MGAT5: variants seen among roughly 807,000 people sequenced by gnomAD.
The protein encoded by MGAT5 is alpha-1,6-mannosylglycoprotein 6-beta-N-acetylglucosaminyltransferase A.
MGAT5 carries 30 observed loss-of-function variants against 94.3 expected under a neutral mutation model. The observed-to-expected ratio is 0.32, with a 90% CI of 0.24 to 0.43. The LOEUF (loss-of-function observed/expected upper bound fraction) is 0.43. MGAT5 is among the 20% of genes least tolerant of loss of function. MGAT5 has a pLI of 1.00. For synonymous variants in MGAT5, 310 were observed against 322.9 expected, an observed-to-expected ratio of 0.96 and a Z score of 0.43; for missense variants, 691 against 905.5, an observed-to-expected ratio of 0.76 and a Z score of 3.04.
At chr2:134,191,392 G>A (rs938703808) in intron 1 of MGAT5, among the ~76,000 whole-genome samples, 1 of 152,162 alleles carries the variant, frequency 6.6e-6, no homozygotes, top group Non-Finnish European at 1.5e-5. Context: ...TGAGGTTATC[G>A]CGGGAGCGCG....
intron 2 of MGAT5, among the ~76,000 whole-genome samples, chr2:134,307,741 T>C (rs1253360328): frequency 1.3e-5 from 2 of 152,164 alleles, no homozygotes; most frequent in Non-Finnish European, 2.9e-5. Context: ...GTAGATTTGC[T>C]GTCCTGGTAA....
intron 1 of MGAT5, among the ~76,000 whole-genome samples, chr2:134,244,739 TA>T (rs1282270809): frequency 6.6e-6 from 1 of 152,132 alleles, no homozygotes; most frequent in Non-Finnish European, 1.5e-5. Flanking sequence ...TGTTGATTGG[TA>T]AGGCAGTCCC....
chr2:134,442,093 G>A (rs144069933), intron 15 of MGAT5, among the ~76,000 whole-genome samples, 178 bp downstream of exon 15: 55 of 152,288 alleles, frequency 3.6e-4, no homozygotes, highest in East Asian at 2.5e-3. Flanking sequence ...TGTTGTTACC[G>A]TTCCTTTTGG....
At chr2:134,428,516 A>G (rs1206383936) in intron 14 of MGAT5, 77 bp downstream of exon 14, 13 of 1,294,142 alleles carry the variant, frequency 1.0e-5, no homozygotes. Flanking sequence ...AAGAACATTT[A>G]AGAGCTCACT....
At chr2:134,266,464 G>T (rs558094047) in intron 1 of MGAT5, among the ~76,000 whole-genome samples, 3 of 152,130 alleles carry the variant, frequency 2.0e-5, no homozygotes, top group Admixed American at 6.5e-5. Flanking sequence ...CAGGTGATCC[G>T]CCTGCCTCGG....
chr2:134,412,972 G>T lies in MGAT5; in HGVS notation c.1634G>T (p.Ser545Ile), dbSNP rs1423458756. ...CCCAAGTTCAACCCACCCAAAAGCAGCAAAAACACAGACTTTTTCATTGGC... is the reference window on the plus strand; with the variant it reads ...CCCAAGTTCAACCCACCCAAAAGCATCAAAAACACAGACTTTTTCATTGGC... ...LNPKFNPPKS[S>I]KNTDFFIGKP... Residue 545 changes from serine to isoleucine, a missense_variant, in exon 12 of 16, where the codon AGC (serine) becomes ATC (isoleucine). This residue lies in a region of MGAT5 where 260 missense variants were observed against 347.0 expected (regional missense o/e 0.75). Transcript: ENST00000281923. The T allele has an allele frequency of 6.2e-7, 1 of 1,614,202 alleles. No homozygotes were observed. The highest frequency in any genetic ancestry group is 2.2e-5 in the East Asian group (1 of 44,880).
At chr2:134,284,483 C>A (rs185473583) in intron 2 of MGAT5, among the ~76,000 whole-genome samples, 1 of 152,132 alleles carries the variant, frequency 6.6e-6, no homozygotes, top group East Asian at 1.9e-4. Flanking sequence ...AGTTTGCCAA[C>A]CCCTGGCCTA....
chr2:134,269,955 A>C (rs956761193), intron 1 of MGAT5, among the ~76,000 whole-genome samples: 1 of 152,256 alleles, frequency 6.6e-6, no homozygotes, highest in Admixed American at 6.5e-5. Context: ...TTTTTAAAAA[A>C]CTGGGACATG....
chr2:134,195,239 G>A (rs1679439691), intron 1 of MGAT5, among the ~76,000 whole-genome samples: 1 of 152,142 alleles, frequency 6.6e-6, no homozygotes, highest in Non-Finnish European at 1.5e-5. Flanking sequence ...ATCTGAATTA[G>A]CAGGTACTGT....
At chr2:134,321,692 A>T (rs1429362278) in intron 4 of MGAT5, among the ~76,000 whole-genome samples, 1 of 152,206 alleles carries the variant, frequency 6.6e-6, no homozygotes, top group South Asian at 2.1e-4. Context: ...CTTCTTATGC[A>T]GATATCGGGT....
chr2:134,238,217 C>T (rs528976006), intron 1 of MGAT5, among the ~76,000 whole-genome samples: 1 of 152,260 alleles, frequency 6.6e-6, no homozygotes, highest in East Asian at 1.9e-4. Context: ...TGACATTGAA[C>T]AGATTGCTTA....
intron 2 of MGAT5, among the ~76,000 whole-genome samples, chr2:134,310,103 T>C (rs1686561298): frequency 6.6e-6 from 1 of 152,216 alleles, no homozygotes; most frequent in South Asian, 2.1e-4. Context: ...AGTTCCATTA[T>C]GTCCATAGTA....
intron 1 of MGAT5, among the ~76,000 whole-genome samples, chr2:134,257,872 A>G (rs1683077635): frequency 8.1e-6 from 1 of 122,882 alleles, no homozygotes; most frequent in Admixed American, 9.9e-5. Context: ...AATGCAGCCT[A>G]TGTGCAGTGC....
At chr2:134,221,130 A>C (rs532247763) in intron 1 of MGAT5, among the ~76,000 whole-genome samples, 1 of 152,334 alleles carries the variant, frequency 6.6e-6, no homozygotes, top group East Asian at 1.9e-4. Context: ...ATTCCGAGCC[A>C]AGTATGAGTG....
At chr2:134,416,255 CAG>C (rs1415126105) in intron 12 of MGAT5, among the ~76,000 whole-genome samples, 1 of 152,172 alleles carries the variant, frequency 6.6e-6, no homozygotes, top group Non-Finnish European at 1.5e-5. Flanking sequence ...TCATTCTAAA[CAG>C]AAATTCTGCA....
chr2:134,260,607 T>C (rs1683263585), intron 1 of MGAT5, among the ~76,000 whole-genome samples: 1 of 152,212 alleles, frequency 6.6e-6, no homozygotes, highest in Admixed American at 6.5e-5. Flanking sequence ...AAGGGTTTTT[T>C]AGTTTGTTTT....
intron 1 of MGAT5, among the ~76,000 whole-genome samples, chr2:134,172,164 G>C (rs1688241134): frequency 2.0e-5 from 3 of 152,112 alleles, no homozygotes; most frequent in African/African-American, 4.8e-5. Flanking sequence ...ATGTAGAAAG[G>C]CTGGCCCTTT....
chr2:134,177,144 C>CATGTGTGTGTGTGTGTGTGTGTGT (rs1553488519), intron 1 of MGAT5, among the ~76,000 whole-genome samples: 1 of 142,530 alleles, frequency 7.0e-6, no homozygotes, highest in African/African-American at 2.8e-5. Context: ...CAAATGAACC[C>CATGTGTGTGTGTGTGTGTGTGTGT]GTGTGTGTGT....
chr2:134,348,142 G>A (rs1689027094), intron 8 of MGAT5, among the ~76,000 whole-genome samples: 1 of 152,144 alleles, frequency 6.6e-6, no homozygotes, highest in South Asian at 2.1e-4. Flanking sequence ...AAATGGGTAT[G>A]TTTTATTAAG....
Sources: gnomAD v4.1 joint callset for allele counts (sites outside exome capture counted in the v4.1 genomes callset) on GRCh38, gnomAD v4.1.1 for gene constraint, gnomAD v4.1.1 regional missense constraint, MANE v1.5 for transcripts, NCBI Gene and HGNC (gene_info 2026-07-23, HGNC 2026-07-21) for gene names.